The following ITFG2 variants were observed in gnomAD, a reference collection of about 807,000 sequenced individuals.
The protein encoded by ITFG2 is KICSTOR complex protein ITFG2.
ITFG2 carries 36 observed loss-of-function variants against 54.4 expected under a neutral mutation model. That is an observed-to-expected ratio of 0.66 (90% CI 0.51 to 0.87). The LOEUF (loss-of-function observed/expected upper bound fraction) is 0.87. Among genes scored for constraint, ITFG2 ranks in the 40% least tolerant of loss-of-function variants. ITFG2 has a pLI of 0.00. For missense variants in ITFG2, 524 were observed against 576.7 expected (o/e 0.91, Z 0.94); for synonymous variants, 211 against 225.4 (o/e 0.94, Z 0.57).
intron 2 of ITFG2, among the ~76,000 whole-genome samples, chr12:2,842,120 CTTTTTT>C (rs71057841): frequency 1.8e-5 from 2 of 108,718 alleles, no homozygotes; most frequent in Admixed American, 1.3e-4. Context: ...TCACTTGTTT[CTTTTTT>C]TTTTTTTTTT....
chr12:2,827,073 A>T (rs1303070470), downstream of ITFG2: 30 of 1,500,610 alleles, frequency 2.0e-5, no homozygotes, highest in Non-Finnish European at 2.6e-5. The surrounding 1 kb of genome is among the most constrained non-coding windows in gnomAD (Gnocchi z 4.0). Flanking sequence ...AAAATGGGAC[A>T]GCAGGGGTCA....
intron 2 of ITFG2, among the ~76,000 whole-genome samples, chr12:2,844,935 A>G (rs571105153): frequency 6.6e-6 from 1 of 152,370 alleles, no homozygotes; most frequent in East Asian, 1.9e-4. Context: ...ATGCAGCCAC[A>G]TTCTTTACAA....
At chr12:2,850,615 G>T (rs571428800) in intron 2 of ITFG2, among the ~76,000 whole-genome samples, 1 of 152,206 alleles carries the variant, frequency 6.6e-6, no homozygotes, top group African/African-American at 2.4e-5. Flanking sequence ...TACAGCTTCA[G>T]TGCTTCAGTG....
rs148710560 is a variant in ITFG2 at position 2,840,377 on chromosome 12, C to T, written n.147-465C>T. 5.3e-5 allele frequency among the ~76,000 whole-genome samples: 8 copies of T among 150,588 alleles called. No homozygotes were observed. The South Asian group carries it at 8.4e-4, about 16-fold the overall frequency. ...TTGAGGCATGAGAAACGCTTGAAAC[C>T]GGGAGGTGGATCAAGTTGAAGTGAG... On this transcript the variant is annotated intron_variant and non_coding_transcript_variant, in intron 1 of 3. Coordinates refer to the ITFG2 transcript ENST00000537710.
chr12:2,852,655 A>T (rs982172744), intron 2 of ITFG2, among the ~76,000 whole-genome samples: 5 of 152,028 alleles, frequency 3.3e-5, no homozygotes, highest in Non-Finnish European at 7.4e-5. Flanking sequence ...ATGAACCATC[A>T]TACTCGGCTA....
Position 2,830,615 on chromosome 12 carries a change from C to T in ITFG2, c.*60-219C>T, listed in dbSNP as rs1423271644. 5.2e-6 allele frequency: 7 copies of T among 1,356,722 alleles called. No homozygotes were observed. In the African/African-American group the frequency reaches 7.5e-5, roughly 14 times the overall value. 84.0% of individuals were successfully genotyped at this position (1,356,722 alleles called of 1,614,324 possible). A position where few individuals can be genotyped will look rare whatever the true frequency, so the allele number is the denominator to read the frequency against. On this transcript the variant is annotated intron_variant and NMD_transcript_variant, in intron 2 of 2. Transcript: ENST00000538822. ...AGAGAGGTGCCCTTTCTCCCTCCCTCCCTCTCCCATCAGGGCAGAGCAGAA... is the reference window on the plus strand; with the variant it reads ...AGAGAGGTGCCCTTTCTCCCTCCCTTCCTCTCCCATCAGGGCAGAGCAGAA...
intron 4 of ITFG2, among the ~76,000 whole-genome samples, chr12:2,819,178 A>G (rs1319885190): frequency 2.0e-5 from 3 of 152,016 alleles, no homozygotes; most frequent in African/African-American, 7.2e-5. Flanking sequence ...AAAATACAAA[A>G]ATTGGGCTGG....
intron 2 of ITFG2, among the ~76,000 whole-genome samples, chr12:2,852,954 C>T (rs1376771657): frequency 1.3e-5 from 2 of 151,818 alleles, no homozygotes; most frequent in Non-Finnish European, 2.9e-5. Context: ...GAGCCAAGAT[C>T]ACACCACTGC....
chr12:2,832,767 G>A (rs1343400512), upstream of ITFG2, among the ~76,000 whole-genome samples: 1 of 149,158 alleles, frequency 6.7e-6, no homozygotes, highest in Non-Finnish European at 1.5e-5. Flanking sequence ...CTCAATAAAT[G>A]CTTGCTGCAG....
intron 2 of ITFG2, among the ~76,000 whole-genome samples, chr12:2,852,617 G>C (rs1349302848): frequency 6.6e-6 from 1 of 151,914 alleles, no homozygotes; most frequent in Non-Finnish European, 1.5e-5. Context: ...CTCCCACTTC[G>C]GCCTCCCAAA....
At chr12:2,859,651 C>G in exon 4 of ITFG2, 1 of 1,605,232 alleles carries the variant, frequency 6.2e-7, no homozygotes, top group African/African-American at 1.3e-5. Context: ...ATCCCCTCCT[C>G]AGCTAGCAGC....
At chr12:2,827,153 C>G, downstream of ITFG2, 2 of 1,612,178 alleles carry the variant, frequency 1.2e-6, no homozygotes, top group Non-Finnish European at 1.7e-6. The surrounding 1 kb of genome is among the most constrained non-coding windows in gnomAD (Gnocchi z 4.0). Context: ...GTTCCCCACA[C>G]GCCTCTTCTT....
chr12:2,827,408 C>T, downstream of ITFG2: 2 of 1,521,422 alleles, frequency 1.3e-6, no homozygotes, highest in South Asian at 1.3e-5. The surrounding 1 kb of genome is among the most constrained non-coding windows in gnomAD (Gnocchi z 4.0). Flanking sequence ...CTGCCTTTTG[C>T]TCTTCCCCCA....
chr12:2,847,710 G>A (rs989217245), intron 2 of ITFG2, among the ~76,000 whole-genome samples: 27 of 149,230 alleles, frequency 1.8e-4, no homozygotes, highest in Non-Finnish European at 3.5e-4. Flanking sequence ...GACTCCCCAT[G>A]CCCTTCCTCC....
At chr12:2,812,877 A>AGAGACAGCC (rs747688073) in intron 1 of ITFG2, 21 bp downstream of exon 1, 5 of 1,588,762 alleles carry the variant, frequency 3.1e-6, no homozygotes, top group Non-Finnish European at 4.3e-6. Flanking sequence ...GCGCACCGCA[A>AGAGACAGCC]GAGACAGCCT....
At chr12:2,830,619 C>A in intron 2 of ITFG2, 2 of 1,389,940 alleles carry the variant, frequency 1.4e-6, no homozygotes, top group Non-Finnish European at 1.9e-6. Flanking sequence ...CTCCCTCCCT[C>A]TCCCATCAGG....
At chr12:2,829,971 G>A (rs1228323010), downstream of ITFG2, among the ~76,000 whole-genome samples, 1 of 151,736 alleles carries the variant, frequency 6.6e-6, no homozygotes, top group African/African-American at 2.4e-5. Context: ...CAGCTACTTA[G>A]GAGGCTGAGG....
intron 2 of ITFG2, chr12:2,849,216 C>G (rs2098062093): frequency 2.0e-6 from 3 of 1,529,808 alleles, no homozygotes; most frequent in Non-Finnish European, 2.6e-6. Flanking sequence ...ACGATCGTCC[C>G]CTCTGGAAGC....
At chr12:2,821,642 T>C in intron 8 of ITFG2, 46 bp downstream of exon 8, 1 of 1,613,484 alleles carries the variant, frequency 6.2e-7, no homozygotes. Context: ...GCCTGTAGGG[T>C]CTGCTCGGGG....
Sources: gnomAD v4.1 joint callset for allele counts (sites outside exome capture counted in the v4.1 genomes callset) on GRCh38, gnomAD v4.1.1 for gene constraint, Gnocchi (gnomAD v3.1) non-coding constraint, MANE v1.5 for transcripts, NCBI Gene and HGNC (gene_info 2026-07-23, HGNC 2026-07-21) for gene names.